DCDC2: variants seen among roughly 807,000 people sequenced by gnomAD.
The protein encoded by DCDC2 is doublecortin domain-containing protein 2.
In DCDC2, 40 loss-of-function variants were observed where a neutral mutation model predicts 50.2. The observed-to-expected ratio is 0.80, with a 90% CI of 0.62 to 1.04. The LOEUF (loss-of-function observed/expected upper bound fraction) is 1.04. Among genes scored for constraint, DCDC2 ranks in the 50% least tolerant of loss-of-function variants. DCDC2 has a pLI of 0.00. For synonymous variants in DCDC2, 234 were observed against 210.6 expected, an observed-to-expected ratio of 1.11 and a Z score of -0.96; for missense variants, 570 against 581.9, an observed-to-expected ratio of 0.98 and a Z score of 0.21.
At chr6:24,277,274 TGGG>T (rs1763381430) in intron 7 of DCDC2, among the ~76,000 whole-genome samples, 3 of 143,772 alleles carry the variant, frequency 2.1e-5, no homozygotes, top group Admixed American at 2.1e-4. Context: ...TGGGGTGTGG[TGGG>T]GTGGGGTGTG....
chr6:24,219,645 G>T (rs1178224183), intron 7 of DCDC2, among the ~76,000 whole-genome samples: 2 of 152,214 alleles, frequency 1.3e-5, no homozygotes, highest in Admixed American at 6.5e-5. Flanking sequence ...GACCTGTGCG[G>T]TCACACAGGG....
intron 7 of DCDC2, among the ~76,000 whole-genome samples, chr6:24,254,142 G>A (rs968125220): frequency 3.3e-5 from 5 of 152,096 alleles, no homozygotes; most frequent in African/African-American, 1.2e-4. Context: ...CTGTCCCAGT[G>A]GAAGGTCTTC....
intron 5 of DCDC2, 41 bp downstream of exon 5, chr6:24,290,891 T>A: frequency 6.4e-7 from 1 of 1,566,396 alleles, no homozygotes. Context: ...CTATTTCAAG[T>A]GGTAACTAAA....
chr6:24,353,330 G>C (rs1200040311), intron 2 of DCDC2: 3 of 575,910 alleles, frequency 5.2e-6, no homozygotes, highest in African/African-American at 1.9e-5. Flanking sequence ...CTAGAAAAGA[G>C]AAAAATATGT....
At chr6:24,262,333 A>G (rs1581618571) in intron 7 of DCDC2, among the ~76,000 whole-genome samples, 1 of 152,370 alleles carries the variant, frequency 6.6e-6, no homozygotes, top group East Asian at 1.9e-4. Flanking sequence ...CCTAGCAGTC[A>G]GAACCTGAGT....
At chr6:24,346,741 G>A (rs186234013) in intron 2 of DCDC2, among the ~76,000 whole-genome samples, 6 of 146,476 alleles carry the variant, frequency 4.1e-5, no homozygotes, top group Admixed American at 3.4e-4. Flanking sequence ...GTGACAGAGC[G>A]AGACTCCATC....
intron 2 of DCDC2, among the ~76,000 whole-genome samples, chr6:24,314,838 A>G (rs1385340130): frequency 3.3e-5 from 5 of 152,168 alleles, no homozygotes; most frequent in African/African-American, 1.2e-4. Flanking sequence ...CTGTTCAGCA[A>G]CAGACCAATG....
At position 24,312,693 on chromosome 6, in the gene DCDC2, T is replaced by C. The variant is rs528153073; in HGVS notation, c.349-10649A>G. On this transcript the variant is annotated intron_variant, in intron 2 of 9. Coordinates refer to ENST00000378454, the MANE Select transcript of DCDC2 (RefSeq NM_016356.5). The stretch of plus-strand genomic sequence containing the variant: ...GGGCTTATCTGTCAAGTGTGGATTA[T>C]CATTCCTTATTCAGATGGCTATTTT... Among the ~76,000 whole-genome samples the C allele has an allele frequency of 2.8e-4, 43 of 152,276 alleles. 1 individual carries two copies. In the South Asian group the frequency reaches 8.5e-3, roughly 30 times the overall value.
upstream of DCDC2, among the ~76,000 whole-genome samples, chr6:24,359,455 T>TTA (rs1462480869): frequency 5.6e-5 from 3 of 54,022 alleles, no homozygotes; most frequent in Middle Eastern, 0.011. Flanking sequence ...GTATATATAT[T>TTA]TATATATACT....
chr6:24,226,166 AC>A (rs1762230070), intron 7 of DCDC2, among the ~76,000 whole-genome samples: 1 of 152,226 alleles, frequency 6.6e-6, no homozygotes, highest in Non-Finnish European at 1.5e-5. Flanking sequence ...TTCCACAGAA[AC>A]CTATGCCTCA....
intron 2 of DCDC2, among the ~76,000 whole-genome samples, chr6:24,349,901 A>G (rs1438847899): frequency 6.6e-6 from 1 of 152,136 alleles, no homozygotes; most frequent in Non-Finnish European, 1.5e-5. Context: ...CTGAGCCCAT[A>G]TGGTGCCCTG....
chr6:24,186,570 C>T (rs77759419), intron 8 of DCDC2, among the ~76,000 whole-genome samples: 3,991 of 152,300 alleles, frequency 0.026, 88 homozygotes, highest in African/African-American at 0.058. Context: ...TAACAAGGCA[C>T]GTGGCTAAGG....
chr6:24,199,879 A>G (rs1296284528), intron 8 of DCDC2, among the ~76,000 whole-genome samples: 1 of 152,218 alleles, frequency 6.6e-6, no homozygotes, highest in African/African-American at 2.4e-5. Context: ...GCAAGTATCA[A>G]TAGCTGAAAT....
At chr6:24,328,187 T>C (rs76477902) in intron 2 of DCDC2, among the ~76,000 whole-genome samples, 1,563 of 152,354 alleles carry the variant, frequency 0.01, 27 homozygotes, top group African/African-American at 0.033. Flanking sequence ...GTAAGCCCTA[T>C]TGCTCAGGTC....
intron 2 of DCDC2, among the ~76,000 whole-genome samples, chr6:24,344,146 C>G (rs1760210852): frequency 6.6e-6 from 1 of 152,284 alleles, no homozygotes; most frequent in South Asian, 2.1e-4. Context: ...GCGCCAGTAA[C>G]CACCATTTTT....
At chr6:24,243,579 G>A (rs6942283) in intron 7 of DCDC2, among the ~76,000 whole-genome samples, 275 of 152,264 alleles carry the variant, frequency 1.8e-3, no homozygotes, top group African/African-American at 6.3e-3. Flanking sequence ...ATTTTTAATA[G>A]AATAACAAAA....
chr6:24,214,265 C>A (rs759567911), intron 7 of DCDC2, among the ~76,000 whole-genome samples: 1 of 152,086 alleles, frequency 6.6e-6, no homozygotes, highest in African/African-American at 2.4e-5. Flanking sequence ...ATTTTAATCA[C>A]CACAGTTATT....
chr6:24,228,510 G>A (rs1238407228), intron 7 of DCDC2, among the ~76,000 whole-genome samples: 1 of 152,174 alleles, frequency 6.6e-6, no homozygotes, highest in East Asian at 1.9e-4. Context: ...GTAAATGTGG[G>A]ATCAATCTAG....
chr6:24,296,311 T>C (rs1050114557), intron 4 of DCDC2, among the ~76,000 whole-genome samples: 1 of 152,074 alleles, frequency 6.6e-6, no homozygotes, highest in African/African-American at 2.4e-5. Context: ...CCTTATACCA[T>C]ACACAAAAAT....
Sources: allele counts gnomAD v4.1 joint callset (sites outside exome capture counted in the v4.1 genomes callset), GRCh38; gene constraint gnomAD v4.1.1; transcripts MANE v1.5; gene names NCBI Gene and HGNC (gene_info 2026-07-23, HGNC 2026-07-21).